Variants in ACRBP observed in about 807,000 individuals in gnomAD.
ACRBP encodes acrosin-binding protein.
Under a neutral mutation model 69.0 loss-of-function variants are expected in ACRBP, and 52 were observed. The observed-to-expected ratio is 0.75, with a 90% CI of 0.60 to 0.95. ACRBP has a LOEUF of 0.95. ACRBP is among the 40% of genes least tolerant of loss of function. The pLI, the probability that ACRBP is intolerant of heterozygous loss-of-function variation, is 0.00. For missense variants in ACRBP, 604 were observed against 673.0 expected, an observed-to-expected ratio of 0.90 and a Z score of 1.13; for synonymous variants, 267 against 258.9, an observed-to-expected ratio of 1.03 and a Z score of -0.30.
intron 8 of ACRBP, among the ~76,000 whole-genome samples, chr12:6,639,706 G>T (rs1000674503): frequency 6.6e-6 from 1 of 152,238 alleles, no homozygotes; most frequent in African/African-American, 2.4e-5. Context: ...GGATCACAGG[G>T]TTGGGCAGTG....
intron 3 of ACRBP, 75 bp downstream of exon 3, chr12:6,646,408 T>C (rs1470023013): frequency 2.2e-6 from 3 of 1,382,672 alleles, no homozygotes; most frequent in South Asian, 1.2e-5. Flanking sequence ...CCTGGAACCC[T>C]TCCTCAACTC....
chr12:6,643,624 G>A lies in ACRBP; in HGVS notation c.992C>T (p.Ser331Leu), dbSNP rs766347409. ...HTEALLVLCYSIVENTCIITP... is the reference protein window; with the variant it reads ...HTEALLVLCYLIVENTCIITP... ...TATGATGCAGGTATTCTCCACGATC[G>A]AATAGCACAGCACCAGCAAGGCCTC... is the stretch of plus-strand genomic sequence containing the variant. Residue 331 changes from serine (S) to leucine (L), a missense_variant, in exon 6 of 10, where the codon TCG (serine) becomes TTG (leucine). By Grantham distance (145) the Ser-to-Leu change is moderately radical (BLOSUM62 -2). Around this residue, in one of 3 missense-constraint regions of ACRBP, gnomAD observed 532 missense variants for 562.9 expected, o/e 0.95. Transcript: ENST00000229243. 1.2e-5 allele frequency: 19 copies of A among 1,614,068 alleles called. No individual in the cohort carries two copies. The highest frequency in any genetic ancestry group is 2.2e-5 in the East Asian group (1 of 44,890).
At position 6,644,522 on chromosome 12, in the gene ACRBP, C is replaced by T; in HGVS notation, c.559G>A (p.Gly187Arg). 5.6e-6 allele frequency: 9 copies of T among 1,614,026 alleles called. No homozygotes were observed. Among genetic ancestry groups the T allele is most frequent in the Non-Finnish European group, 7.6e-6 (9 of 1,180,002 alleles). ...TGCTCTGGCGCTTGCTCCTGGCCTCCCAGGGACAAGGAGGATTGTAGGAGC... is the reference window on the plus strand; with the variant it reads ...TGCTCTGGCGCTTGCTCCTGGCCTCTCAGGGACAAGGAGGATTGTAGGAGC... Reference protein sequence around the residue: ...EELLQSSLSLGGQEQAPEHKQ... With the variant: ...EELLQSSLSLRGQEQAPEHKQ... Residue 187 changes from glycine (G) to arginine (R), a missense_variant, in exon 5 of 10, where the codon GGA becomes AGA. By Grantham distance (125) the Gly-to-Arg change is moderately radical. Coordinates refer to ENST00000229243, the MANE Select transcript of ACRBP (RefSeq NM_032489.3).
At chr12:6,639,480 C>T (rs1373030519) in intron 8 of ACRBP, among the ~76,000 whole-genome samples, 1 of 152,196 alleles carries the variant, frequency 6.6e-6, no homozygotes, top group East Asian at 1.9e-4. Context: ...TGGACATGGG[C>T]CCCCCAGCTC....
chr12:6,639,190 T>TCTGCCTTTCCCC (rs1436010284), intron 8 of ACRBP, among the ~76,000 whole-genome samples, 153 bp from the exon 9 acceptor site: 1 of 152,204 alleles, frequency 6.6e-6, no homozygotes, highest in Non-Finnish European at 1.5e-5. Flanking sequence ...CCGCTTTCCC[T>TCTGCCTTTCCCC]CTGCCTTTCC....
At chr12:6,646,658 G>C in intron 2 of ACRBP, 81 bp from the exon 3 acceptor site, 1 of 1,500,016 alleles carries the variant, frequency 6.7e-7, no homozygotes, top group East Asian at 2.3e-5. Flanking sequence ...CACGCCATGG[G>C]GAGGGTGGAG....
chr12:6,640,610 A>G lies in ACRBP; in HGVS notation c.1078-88T>C. On this transcript the variant is annotated intron_variant, in intron 6 of 9. Coordinates refer to ENST00000229243, the MANE Select transcript of ACRBP (RefSeq NM_032489.3). The surrounding 1 kb of genome is among the most constrained non-coding windows in gnomAD (Gnocchi z 5.3). ...CAGCCCTCCAGGGTGGGCCCTGCAG[A>G]ATGTCTTTGCATTTAGCCTCTTCCA... 7.0e-7 allele frequency: 1 copy of G among 1,425,930 alleles called. No homozygotes were observed. Among genetic ancestry groups the G allele is most frequent in the African/African-American group, 1.4e-5 (1 of 70,862 alleles). The allele number at this position is 1,425,930 out of a possible 1,614,324, so 88.3% of individuals were successfully genotyped here.
At chr12:6,644,675 G>T in intron 4 of ACRBP, 70 bp from the exon 5 acceptor site, 1 of 1,529,880 alleles carries the variant, frequency 6.5e-7, no homozygotes. Flanking sequence ...TTTGTTCACA[G>T]AGGGACACAC....
chr12:6,647,153 G>T, intron 1 of ACRBP, 141 bp from the exon 2 acceptor site: 2 of 1,104,966 alleles, frequency 1.8e-6, no homozygotes, highest in Non-Finnish European at 2.6e-6. Context: ...TCTAGAGACA[G>T]AGGCAAAGGT....
In ACRBP at chr12:6,640,978, CTCATT is replaced by C. The variant is rs1178663236; in HGVS notation, c.1078-461_1078-457del. On this transcript the variant is annotated intron_variant, in intron 6 of 9. Transcript: ENST00000229243. This position sits in a 1 kb window ranked among gnomAD's most constrained non-coding sequence, Gnocchi z 5.3. Reference sequence around the variant, plus strand: ...TGCCAGCACTATGGCTACACATGCTCTCATTTCATTTAGTTTTCACGACAACCCTA... The same window carrying C: ...TGCCAGCACTATGGCTACACATGCTCTCATTTAGTTTTCACGACAACCCTA... 1.3e-5 allele frequency among the ~76,000 whole-genome samples: 2 copies of C among 152,222 alleles called. No homozygotes were observed. Among genetic ancestry groups the C allele is most frequent in the African/African-American group, 4.8e-5 (2 of 41,444 alleles).
chr12:6,642,830 G>T (rs1162835766), intron 6 of ACRBP, among the ~76,000 whole-genome samples: 1 of 152,194 alleles, frequency 6.6e-6, no homozygotes, highest in East Asian at 1.9e-4. Context: ...CTTGCTGGTT[G>T]TTGAGGACAC....
intron 3 of ACRBP, among the ~76,000 whole-genome samples, 194 bp downstream of exon 3, chr12:6,646,289 G>A (rs375396086): frequency 3.8e-4 from 58 of 152,134 alleles, no homozygotes; most frequent in African/African-American, 1.4e-3. Flanking sequence ...TACTTTTCTT[G>A]CAGTAACAGA....
chr12:6,639,994 A>C lies in ACRBP; in HGVS notation c.1425+66T>G, dbSNP rs1380404000. 5 of 1,577,036 alleles carry C rather than the reference A, an allele frequency of 3.2e-6. No individual in the cohort carries two copies. The East Asian group carries it at 1.1e-4, about 35-fold the overall frequency. The stretch of plus-strand genomic sequence containing the variant: ...CCTTCCACAAACTAGCGCTACTCAC[A>C]GCAAGTAACTGGAAGGAATGGGGTG... On this transcript the variant is annotated intron_variant, in intron 8 of 9. Coordinates refer to ENST00000229243, the MANE Select transcript of ACRBP (RefSeq NM_032489.3).
At chr12:6,645,409 C>G (rs1393646888) in intron 3 of ACRBP, 72 bp from the exon 4 acceptor site, 6 of 1,185,956 alleles carry the variant, frequency 5.1e-6, no homozygotes, top group Middle Eastern at 2.0e-4. Flanking sequence ...GTTCTTCAAC[C>G]CCTTTTCCAG....
Position 6,638,282 on chromosome 12 carries a change from TC to T in ACRBP, c.1631del (p.Ter544=), listed in dbSNP as rs1169622963. On this transcript the variant is annotated frameshift_variant and stop_lost, in exon 10 of 10. Coordinates refer to ENST00000229243, the MANE Select transcript of ACRBP (RefSeq NM_032489.3). LOFTEE classifies it high-confidence loss of function. The stretch of plus-strand genomic sequence containing the variant: ...GGGTGTGGGCAGAATAGACGCCAGC[TC>T]ATCCGAACTGGCCTAGAGTCAAGGT... ...FSTLTLGQFG[*>X] 1.9e-6 allele frequency: 3 copies of T among 1,613,842 alleles called. No individual in the cohort carries two copies. Among genetic ancestry groups the T allele is most frequent in the Non-Finnish European group, 2.5e-6 (3 of 1,179,936 alleles).
intron 3 of ACRBP, 43 bp from the exon 4 acceptor site, chr12:6,645,380 C>A: frequency 1.4e-6 from 2 of 1,452,342 alleles, no homozygotes; most frequent in Non-Finnish European, 1.9e-6. Context: ...TCCTAAAGGG[C>A]AGACTTCTGC....
chr12:6,646,125 ATTTT>A (rs59626834), intron 3 of ACRBP, among the ~76,000 whole-genome samples: 170 of 121,434 alleles, frequency 1.4e-3, no homozygotes, highest in African/African-American at 4.5e-3. Flanking sequence ...AAGCCCGGCT[ATTTT>A]TTTTTTTTTT....
chr12:6,646,504 G>C lies in ACRBP; in HGVS notation c.336C>G (p.Ser112=). ...TCACCTTGGCATAGTAGACGTGGTT[G>C]GAGCAACGGTAGTGAGTGAACTGGC... ...SFCQFTHYRC[S]NHVYYAKRVL... is the part of the protein sequence containing the mutation. Residue 112 remains serine (S), a synonymous_variant, in exon 3 of 10, where the codon TCC becomes TCG. Coordinates refer to ENST00000229243, the MANE Select transcript of ACRBP (RefSeq NM_032489.3). 6.2e-7 allele frequency: 1 copy of C among 1,614,116 alleles called. No individual in the cohort carries two copies. Among genetic ancestry groups the C allele is most frequent in the Admixed American group, 1.7e-5 (1 of 59,998 alleles).
At chr12:6,644,647 T>G (rs1949075631) in intron 4 of ACRBP, 42 bp from the exon 5 acceptor site, 1 of 1,556,876 alleles carries the variant, frequency 6.4e-7, no homozygotes, top group Non-Finnish European at 8.7e-7. Flanking sequence ...ACAGTCAGGC[T>G]TCTAGCCCCT....
Sources: allele counts gnomAD v4.1 joint callset (sites outside exome capture counted in the v4.1 genomes callset), GRCh38; gene constraint gnomAD v4.1.1; regional missense constraint gnomAD v4.1.1; non-coding constraint Gnocchi (gnomAD v3.1); transcripts MANE v1.5; gene names NCBI Gene and HGNC (gene_info 2026-07-23, HGNC 2026-07-21).